Variants in CDH11 observed in about 807,000 individuals in gnomAD.
CDH11 encodes cadherin-11.
Under a neutral mutation model 67.8 loss-of-function variants are expected in CDH11, and 11 were observed. The observed-to-expected ratio is 0.16, with a 90% CI of 0.10 to 0.27. CDH11 has a LOEUF of 0.27. Ranked by LOEUF, CDH11 falls within the 10% of genes least tolerant of loss-of-function variation. The probability of loss-of-function intolerance (pLI) is 1.00; values close to 1 mark genes in which losing one functional copy is unlikely to be tolerated. For synonymous variants in CDH11, 419 were observed against 400.0 expected (o/e 1.05, Z -0.57); for missense variants, 847 against 1,031.2 (o/e 0.82, Z 2.45).
rs377132363 is a variant in CDH11, at chr16:65,096,406, G to GGTGTGTGT, written c.-298+25466_-298+25473dup. Among the ~76,000 whole-genome samples the GGTGTGTGT allele has an allele frequency of 2.6e-3, 350 of 134,020 alleles. 1 individual carries two copies. The highest frequency in any genetic ancestry group is 7.7e-3 in the Admixed American group (103 of 13,298). The allele number at this position is 134,020 out of a possible 152,430, so 87.9% of individuals were successfully genotyped here. A position where few individuals can be genotyped will look rare whatever the true frequency, so the allele number is the denominator to read the frequency against. On this transcript the variant is annotated intron_variant, in intron 1 of 12. Coordinates refer to ENST00000268603, the MANE Select transcript of CDH11 (RefSeq NM_001797.4). ...CAATCTCTTACCATAAATCTTTCGG[G>GGTGTGTGT]GTGTGTGTGTGTGTGTGTGTGTGTG...
At chr16:64,955,780 G>A (rs1176758779) in intron 11 of CDH11, among the ~76,000 whole-genome samples, 1 of 152,040 alleles carries the variant, frequency 6.6e-6, no homozygotes, top group Non-Finnish European at 1.5e-5. Context: ...CTATGGTCAG[G>A]AACTTCATGA....
chr16:65,009,639 T>A (rs936293942), intron 2 of CDH11, among the ~76,000 whole-genome samples: 1 of 152,198 alleles, frequency 6.6e-6, no homozygotes, highest in African/African-American at 2.4e-5. Flanking sequence ...AATGTTCTAA[T>A]TGGTTTTAAT....
intron 11 of CDH11, among the ~76,000 whole-genome samples, chr16:64,969,701 A>C (rs2071947415): frequency 6.6e-6 from 1 of 152,198 alleles, no homozygotes; most frequent in Non-Finnish European, 1.5e-5. Context: ...GCTTTTCATA[A>C]ATTCAAATAC....
intron 2 of CDH11, among the ~76,000 whole-genome samples, chr16:65,041,041 C>T (rs2073858234): frequency 6.6e-6 from 1 of 152,172 alleles, no homozygotes; most frequent in African/African-American, 2.4e-5. Context: ...TGGTATTCTT[C>T]AAGGTCTAAG....
At chr16:65,050,023 G>T (rs1451966630) in intron 2 of CDH11, among the ~76,000 whole-genome samples, 1 of 152,116 alleles carries the variant, frequency 6.6e-6, no homozygotes, top group Non-Finnish European at 1.5e-5. Context: ...CTATGCAAAT[G>T]AAAGATAACT....
rs79929276 is a variant in CDH11, at chr16:64,946,943, G to A, written c.*660C>T. 1.1e-4 allele frequency: 96 copies of A among 886,766 alleles called. No individual in the cohort carries two copies. In the East Asian group the frequency reaches 5.7e-3, roughly 52 times the overall value. 54.9% of individuals were successfully genotyped at this position (886,766 alleles called of 1,614,324 possible). On this transcript the variant is annotated 3_prime_UTR_variant, in exon 13 of 13. Transcript: ENST00000268603. ...ATACTAAAATAAGAACTTTAAAATT[G>A]TACAAATAGATACATTAAAAATGAC...
At chr16:65,025,915 A>T (rs1042415333) in intron 2 of CDH11, among the ~76,000 whole-genome samples, 1 of 151,976 alleles carries the variant, frequency 6.6e-6, no homozygotes, top group African/African-American at 2.4e-5. Context: ...TGGGGAGAGG[A>T]GGGATAGCTG....
intron 11 of CDH11, among the ~76,000 whole-genome samples, chr16:64,966,686 A>C (rs558287916): frequency 9.1e-6 from 1 of 110,084 alleles, no homozygotes; most frequent in East Asian, 4.0e-4. Context: ...AGAAAAGATA[A>C]GTTAATGTTG....
Position 64,965,445 on chromosome 16 carries a change from G to A in CDH11, c.1642+6134C>T, listed in dbSNP as rs576128101. On this transcript the variant is annotated intron_variant, in intron 11 of 12. Transcript: ENST00000268603. ...CACACATTAGCCTGTGCCTACACAGGATCAGGATTATCAGTATCACAGTCT... is the reference window on the plus strand; with the variant it reads ...CACACATTAGCCTGTGCCTACACAGAATCAGGATTATCAGTATCACAGTCT... 2.0e-5 allele frequency among the ~76,000 whole-genome samples: 3 copies of A among 151,852 alleles called. No homozygotes were observed. In the South Asian group the frequency reaches 6.2e-4, roughly 32 times the overall value.
At chr16:65,106,935 A>G (rs1007121740) in intron 1 of CDH11, among the ~76,000 whole-genome samples, 1 of 151,932 alleles carries the variant, frequency 6.6e-6, no homozygotes, top group African/African-American at 2.4e-5. Context: ...TCAATCTTGT[A>G]TGCCTGAGAA....
chr16:65,120,044 A>G (rs1170419487), intron 1 of CDH11, among the ~76,000 whole-genome samples: 2 of 152,004 alleles, frequency 1.3e-5, no homozygotes, highest in African/African-American at 4.8e-5. Context: ...ATTGGCCACA[A>G]CTCTGTCCCT....
At chr16:65,015,624 T>C (rs2073289717) in intron 2 of CDH11, among the ~76,000 whole-genome samples, 1 of 152,112 alleles carries the variant, frequency 6.6e-6, no homozygotes, top group African/African-American at 2.4e-5. Flanking sequence ...GTCCAGGTTC[T>C]ATAAGGGGGA....
At chr16:64,980,447 G>A (rs954855849) in intron 8 of CDH11, among the ~76,000 whole-genome samples, 1 of 152,112 alleles carries the variant, frequency 6.6e-6, no homozygotes, top group African/African-American at 2.4e-5. Context: ...AAGGACATCC[G>A]ATACATCTCT....
chr16:65,106,393 T>C (rs2075066279), intron 1 of CDH11, among the ~76,000 whole-genome samples: 1 of 152,188 alleles, frequency 6.6e-6, no homozygotes, highest in African/African-American at 2.4e-5. Context: ...TGTGTCTCTT[T>C]GAACAAAACT....
rs1346133174 is a variant in CDH11 at position 65,121,460 on chromosome 16, C to T, written c.-298+420G>A. 6.6e-6 allele frequency among the ~76,000 whole-genome samples: 1 copy of T among 152,212 alleles called. No individual in the cohort carries two copies. Among genetic ancestry groups the T allele is most frequent in the Non-Finnish European group, 1.5e-5 (1 of 68,034 alleles). ...TCATGTCGCCGCTTTGGGGAAGCGG[C>T]GCAGGGCTGGCGGGCACCGCGCCGT... On this transcript the variant is annotated intron_variant, in intron 1 of 12. Transcript: ENST00000268603. This position sits in a 1 kb window ranked among gnomAD's most constrained non-coding sequence, Gnocchi z 4.1.
At chr16:65,074,778 G>A (rs2074480753) in intron 1 of CDH11, among the ~76,000 whole-genome samples, 2 of 152,092 alleles carry the variant, frequency 1.3e-5, no homozygotes, top group Admixed American at 1.3e-4. Flanking sequence ...TTTGAGTAGT[G>A]ATAAAGACCC....
At chr16:65,108,208 A>C (rs560358438) in intron 1 of CDH11, among the ~76,000 whole-genome samples, 3 of 152,200 alleles carry the variant, frequency 2.0e-5, no homozygotes, top group Non-Finnish European at 4.4e-5. Context: ...TCCGTTCCTC[A>C]CTTCAAAGAT....
chr16:65,006,411 T>A (rs1456656920), intron 2 of CDH11, among the ~76,000 whole-genome samples: 2 of 152,318 alleles, frequency 1.3e-5, no homozygotes, highest in African/African-American at 4.8e-5. Context: ...AGCATGAATC[T>A]TGGCATAGTG....
At chr16:65,074,138 G>A (rs551666592) in intron 1 of CDH11, among the ~76,000 whole-genome samples, 6 of 152,222 alleles carry the variant, frequency 3.9e-5, no homozygotes, top group South Asian at 4.2e-4. Context: ...GCCCTTTGGG[G>A]AGTTCATTTA....
Sources: gnomAD v4.1 joint callset for allele counts (sites outside exome capture counted in the v4.1 genomes callset) on GRCh38, gnomAD v4.1.1 for gene constraint, Gnocchi (gnomAD v3.1) non-coding constraint, MANE v1.5 for transcripts, NCBI Gene and HGNC (gene_info 2026-07-23, HGNC 2026-07-21) for gene names.